The following CPNE4 variants were observed in gnomAD, a reference collection of about 807,000 sequenced individuals.
The protein encoded by CPNE4 is copine-4.
In CPNE4, 25 loss-of-function variants were observed where a neutral mutation model predicts 67.9. The observed-to-expected ratio is 0.37, with a 90% CI of 0.27 to 0.51. CPNE4 has a LOEUF of 0.51. CPNE4 is among the 20% of genes least tolerant of loss of function. The pLI, the probability that CPNE4 is intolerant of heterozygous loss-of-function variation, is 0.93. For missense variants in CPNE4, 464 were observed against 690.8 expected, an observed-to-expected ratio of 0.67 and a Z score of 3.68; for synonymous variants, 242 against 244.9, an observed-to-expected ratio of 0.99 and a Z score of 0.11.
At chr3:131,577,387 C>A (rs772391551) in intron 9 of CPNE4, among the ~76,000 whole-genome samples, 1 of 152,018 alleles carries the variant, frequency 6.6e-6, no homozygotes, top group Non-Finnish European at 1.5e-5. Flanking sequence ...TTTATCATTG[C>A]GTGAACATCA....
At chr3:131,960,621 C>T (rs1051938817) in intron 1 of CPNE4, among the ~76,000 whole-genome samples, 6 of 152,122 alleles carry the variant, frequency 3.9e-5, no homozygotes, top group African/African-American at 1.4e-4. Flanking sequence ...AAGCTTTTCC[C>T]TTTGAGATAT....
At chr3:131,535,915 A>G (rs949528005) in intron 15 of CPNE4, among the ~76,000 whole-genome samples, 2 of 152,230 alleles carry the variant, frequency 1.3e-5, no homozygotes, top group Non-Finnish European at 2.9e-5. Context: ...GAGAATCACA[A>G]ACAGTGAGGC....
chr3:132,027,638 A>G lies in CPNE4; in HGVS notation c.-2+6929T>C, dbSNP rs561214995. Among the ~76,000 whole-genome samples the G allele has an allele frequency of 4.6e-5, 7 of 152,254 alleles. No homozygotes were observed. In the South Asian group the frequency reaches 1.5e-3, roughly 32 times the overall value. On this transcript the variant is annotated intron_variant, in intron 1 of 15. Transcript: ENST00000429747. ...TGGCCAGATAACGTTAACACACATG[A>G]TCAAAGGTGTCCATCCCTAGTTTCA...
chr3:131,628,500 G>T (rs574905539), intron 7 of CPNE4, among the ~76,000 whole-genome samples: 1 of 152,406 alleles, frequency 6.6e-6, no homozygotes, highest in South Asian at 2.1e-4. Context: ...ACCTCTGGTA[G>T]AATTTGGCTC....
intron 1 of CPNE4, among the ~76,000 whole-genome samples, chr3:131,923,600 G>A (rs896223270): frequency 7.3e-5 from 11 of 150,072 alleles, no homozygotes; most frequent in Admixed American, 4.0e-4. Context: ...ACCTACTTGG[G>A]AGGCCAAGGC....
chr3:131,768,400 G>T (rs1056047902), intron 2 of CPNE4, among the ~76,000 whole-genome samples: 7 of 152,088 alleles, frequency 4.6e-5, no homozygotes, highest in African/African-American at 1.2e-4. Context: ...TCTATCCATT[G>T]GGACAGAAAT....
At chr3:131,553,889 C>A (rs6803533) in intron 12 of CPNE4, among the ~76,000 whole-genome samples, 52,830 of 151,816 alleles carry the variant, frequency 0.35, 12,483 homozygotes, top group African/African-American at 0.68. Flanking sequence ...TTAGGGGACC[C>A]GAAATGGGGA....
chr3:131,749,101 C>T (rs2082560855), intron 2 of CPNE4, among the ~76,000 whole-genome samples: 1 of 152,104 alleles, frequency 6.6e-6, no homozygotes, highest in African/African-American at 2.4e-5. Flanking sequence ...CTCAGCACTT[C>T]TTTAACTGCA....
rs530320590 is a variant in CPNE4, at chr3:131,744,877, G to T, written c.181-21252C>A. Among the ~76,000 whole-genome samples the T allele has an allele frequency of 1.2e-4, 18 of 152,252 alleles. No individual in the cohort carries two copies. In the South Asian group the frequency reaches 1.9e-3, roughly 16 times the overall value. On this transcript the variant is annotated intron_variant, in intron 2 of 15. Coordinates refer to ENST00000429747, the MANE Select transcript of CPNE4 (RefSeq NM_130808.3). ...TTTCCAGTTCTGGGCTACTGCAGAT[G>T]GGGGGTGTTATAAACATTTGTCTAC...
chr3:131,924,358 A>C (rs566845761), intron 1 of CPNE4, among the ~76,000 whole-genome samples: 79 of 152,316 alleles, frequency 5.2e-4, no homozygotes, highest in Middle Eastern at 6.8e-3. Flanking sequence ...AACTTAGCTC[A>C]AGCACTTCAC....
intron 2 of CPNE4, among the ~76,000 whole-genome samples, chr3:131,869,746 G>A (rs1009274666): frequency 1.3e-5 from 2 of 152,160 alleles, no homozygotes; most frequent in African/African-American, 2.4e-5. Context: ...AAAGAGGAGA[G>A]AGAAGACTAA....
At chr3:131,793,955 C>T (rs2107891194) in intron 2 of CPNE4, among the ~76,000 whole-genome samples, 1 of 152,290 alleles carries the variant, frequency 6.6e-6, no homozygotes, top group East Asian at 1.9e-4. Context: ...TGTAGCCATC[C>T]TAAGAAGCAA....
intron 1 of CPNE4, among the ~76,000 whole-genome samples, chr3:132,001,425 C>T (rs2073428212): frequency 6.6e-6 from 1 of 151,778 alleles, no homozygotes; most frequent in South Asian, 2.1e-4. Context: ...GGAAATCTGG[C>T]TGGCTACAAA....
At chr3:131,681,332 C>T (rs921533135) in intron 6 of CPNE4, among the ~76,000 whole-genome samples, 5 of 152,064 alleles carry the variant, frequency 3.3e-5, no homozygotes, top group Non-Finnish European at 7.4e-5. Context: ...AATGAAATCC[C>T]TCAGCTTTTG....
intron 1 of CPNE4, among the ~76,000 whole-genome samples, chr3:131,979,946 A>G (rs983118990): frequency 2.0e-5 from 3 of 152,038 alleles, no homozygotes; most frequent in African/African-American, 7.2e-5. Flanking sequence ...TTTTTCCTTC[A>G]TATATGATGC....
At chr3:131,743,659 C>T (rs2082407283) in intron 2 of CPNE4, among the ~76,000 whole-genome samples, 1 of 152,026 alleles carries the variant, frequency 6.6e-6, no homozygotes, top group Non-Finnish European at 1.5e-5. Flanking sequence ...AACAGGGAAA[C>T]ACATGATCAT....
chr3:131,569,122 G>A (rs752813184), intron 10 of CPNE4, among the ~76,000 whole-genome samples: 6 of 151,798 alleles, frequency 4.0e-5, no homozygotes, highest in Non-Finnish European at 8.8e-5. Context: ...AACTTACTTG[G>A]TTCATTTTCT....
At chr3:131,804,588 T>C (rs2084244216) in intron 2 of CPNE4, among the ~76,000 whole-genome samples, 1 of 152,208 alleles carries the variant, frequency 6.6e-6, no homozygotes, top group Admixed American at 6.5e-5. Context: ...CTTTACAATG[T>C]GACTTTCAAT....
upstream of CPNE4, chr3:132,037,653 T>C (rs1442471450): frequency 1.3e-5 from 20 of 1,508,104 alleles, no homozygotes; most frequent in Non-Finnish European, 1.5e-5. Context: ...ACTGTGGCCC[T>C]GGTGTTCCCA....
Sources: gnomAD v4.1 joint callset for allele counts (sites outside exome capture counted in the v4.1 genomes callset) on GRCh38, gnomAD v4.1.1 for gene constraint, MANE v1.5 for transcripts, NCBI Gene and HGNC (gene_info 2026-07-23, HGNC 2026-07-21) for gene names.